The following ZFHX4 variants were observed in gnomAD, a reference collection of about 807,000 sequenced individuals.
ZFHX4 encodes zinc finger homeobox protein 4.
In ZFHX4, 56 loss-of-function variants were observed where a neutral mutation model predicts 267.6. The ratio of observed to expected loss-of-function variants is 0.21; its 90% CI spans 0.17 to 0.26. The LOEUF (loss-of-function observed/expected upper bound fraction) is 0.26. Ranked by LOEUF, ZFHX4 falls within the 10% of genes least tolerant of loss-of-function variation. The pLI, the probability that ZFHX4 is intolerant of heterozygous loss-of-function variation, is 1.00. For missense variants in ZFHX4, 4,332 were observed against 4,420.0 expected, an observed-to-expected ratio of 0.98 and a Z score of 0.56; for synonymous variants, 1,778 against 1,665.6, an observed-to-expected ratio of 1.07 and a Z score of -1.64.
At chr8:76,715,129 T>C (rs1299813701) in intron 3 of ZFHX4, among the ~76,000 whole-genome samples, 1 of 152,178 alleles carries the variant, frequency 6.6e-6, no homozygotes. Flanking sequence ...TTAGGACATA[T>C]ATGTAGTTTT....
In ZFHX4 at chr8:76,797,337, T is replaced by G. The variant is rs141162949; in HGVS notation, c.3325+18898T>G. ...GTTTTTAGAAAAGCGCTGATAAACC[T>G]AAAAAGAGATTTCATATGTATAACC... On this transcript the variant is annotated intron_variant, in intron 4 of 10. Transcript: ENST00000651372. 9.8e-3 allele frequency among the ~76,000 whole-genome samples: 1,495 copies of G among 152,310 alleles called. 14 individuals are homozygous for G. The highest frequency in any genetic ancestry group is 0.027 in the Middle Eastern group (8 of 294).
At position 76,849,132 on chromosome 8, in the gene ZFHX4, A is replaced by T. The variant is rs932992711; in HGVS notation, c.3645+4A>T. 9.1e-6 allele frequency: 14 copies of T among 1,545,048 alleles called. No individual in the cohort carries two copies. Among genetic ancestry groups the T allele is most frequent in the Non-Finnish European group, 1.2e-5 (14 of 1,145,834 alleles). On this transcript the variant is annotated splice_donor_region_variant and intron_variant, in intron 7 of 10. Transcript: ENST00000651372. ...CAATAAATTCTGTCATGAACAGGTA[A>T]ATACTTTTTTTCCCCTTTACTGTGT...
Position 76,706,257 on chromosome 8 carries a change from C to T in ZFHX4, c.2169C>T (p.His723=), listed in dbSNP as rs771603002. ...GTATTCATATGCAGTCGGACAAGCA[C>T]CTGAACAATGTTCAGAATCTCCAAA... is the stretch of plus-strand genomic sequence containing the variant. The part of the protein sequence containing the change: ...NLSIHMQSDK[H]LNNVQNLQNG... The change falls in exon 2 of 11, where the codon CAC becomes CAT. Residue 723 remains histidine, a synonymous_variant. Transcript: ENST00000651372. The T allele has an allele frequency of 1.2e-6, 2 of 1,614,080 alleles. No individual in the cohort carries two copies. Among genetic ancestry groups the T allele is most frequent in the Admixed American group, 1.7e-5 (1 of 60,020 alleles).
intron 4 of ZFHX4, among the ~76,000 whole-genome samples, chr8:76,798,307 C>T (rs887643106): frequency 3.3e-5 from 5 of 152,034 alleles, no homozygotes; most frequent in Non-Finnish European, 5.9e-5. Context: ...TTATGCAAGG[C>T]GAGCATTCAG....
At chr8:76,773,076 G>T (rs1810310037) in intron 3 of ZFHX4, among the ~76,000 whole-genome samples, 1 of 152,104 alleles carries the variant, frequency 6.6e-6, no homozygotes, top group South Asian at 2.1e-4. Flanking sequence ...GCGTCATCTG[G>T]ATCTTCAATG....
intron 3 of ZFHX4, among the ~76,000 whole-genome samples, chr8:76,712,507 C>T (rs760591414): frequency 7.3e-5 from 11 of 150,812 alleles, no homozygotes; most frequent in South Asian, 2.1e-4. Flanking sequence ...ATCAAATATA[C>T]GAGATATGTA....
At chr8:76,776,579 C>G (rs1231365375) in intron 3 of ZFHX4, among the ~76,000 whole-genome samples, 4 of 152,174 alleles carry the variant, frequency 2.6e-5, no homozygotes, top group Non-Finnish European at 5.9e-5. Context: ...CCTTCAGGTA[C>G]TCAAGATTCT....
chr8:76,814,457 G>A (rs1270564375), intron 4 of ZFHX4, among the ~76,000 whole-genome samples: 2 of 152,014 alleles, frequency 1.3e-5, no homozygotes, highest in South Asian at 2.1e-4. Context: ...CATGGACCCA[G>A]GAATTCCATG....
At chr8:76,720,222 A>G (rs902602554) in intron 3 of ZFHX4, among the ~76,000 whole-genome samples, 4 of 151,940 alleles carry the variant, frequency 2.6e-5, no homozygotes, top group Non-Finnish European at 4.4e-5. Context: ...TTTTGTCTCT[A>G]TAGATTTGCC....
At chr8:76,802,787 T>C (rs1811147017) in intron 4 of ZFHX4, among the ~76,000 whole-genome samples, 1 of 152,186 alleles carries the variant, frequency 6.6e-6, no homozygotes, top group Non-Finnish European at 1.5e-5. Flanking sequence ...TTTTACACCA[T>C]AGGGACAGCC....
rs760743565 is a variant in ZFHX4 at position 76,854,833 on chromosome 8, A to G, written c.7912A>G (p.Ile2638Val). The stretch of plus-strand genomic sequence containing the variant: ...TCCTACCAGAAAAATGCTTGATCAT[A>G]TTGCCCGCGAAGTCGGGCTGAAAAA... ...SNPTRKMLDHIAREVGLKKRV... is the reference protein window; with the variant it reads ...SNPTRKMLDHVAREVGLKKRV... Residue 2638 changes from isoleucine to valine, a missense_variant, in exon 10 of 11, where the codon ATT (isoleucine) becomes GTT (valine). This residue lies in a region of ZFHX4 where 1,648 missense variants were observed against 1,625.0 expected (regional missense o/e 1.01). Transcript: ENST00000651372. 1.2e-6 allele frequency: 2 copies of G among 1,610,894 alleles called. No individual in the cohort carries two copies. Among genetic ancestry groups the G allele is most frequent in the Admixed American group, 3.4e-5 (2 of 59,338 alleles).
intron 3 of ZFHX4, among the ~76,000 whole-genome samples, chr8:76,738,024 T>C (rs1809211219): frequency 6.6e-6 from 1 of 152,224 alleles, no homozygotes; most frequent in Non-Finnish European, 1.5e-5. Flanking sequence ...ATTTTTATTT[T>C]TTAGAATTTA....
At chr8:76,696,456 A>T (rs1807958745) in intron 1 of ZFHX4, among the ~76,000 whole-genome samples, 1 of 152,104 alleles carries the variant, frequency 6.6e-6, no homozygotes, top group Non-Finnish European at 1.5e-5. Context: ...GATTTTAATT[A>T]GTCTGACATC....
intron 4 of ZFHX4, among the ~76,000 whole-genome samples, chr8:76,786,383 G>A (rs768626124): frequency 5.3e-5 from 8 of 150,176 alleles, no homozygotes; most frequent in Non-Finnish European, 8.9e-5. Flanking sequence ...TATCTAGTAT[G>A]AAGTTAGACA....
At chr8:76,722,823 C>T (rs1563484706) in intron 3 of ZFHX4, among the ~76,000 whole-genome samples, 1 of 151,946 alleles carries the variant, frequency 6.6e-6, no homozygotes, top group Non-Finnish European at 1.5e-5. Flanking sequence ...TTGGAGATAA[C>T]TTCTGCTTTT....
At position 76,706,277 on chromosome 8, in the gene ZFHX4, T is replaced by C. The variant is rs868396606; in HGVS notation, c.2189T>C (p.Leu730Pro). The change falls in exon 2 of 11, where the codon CTC (leucine) becomes CCC (proline). Residue 730 changes from leucine (L) to proline (P), a missense_variant. By Grantham distance (98) the Leu-to-Pro change is moderately conservative. This residue lies in a region of ZFHX4 where 1,195 missense variants were observed against 1,173.6 expected (regional missense o/e 1.02). Transcript: ENST00000651372. ...AAGCACCTGAACAATGTTCAGAATCTCCAAAATGGCAATGGTGAGCAGGTG... is the reference window on the plus strand; with the variant it reads ...AAGCACCTGAACAATGTTCAGAATCCCCAAAATGGCAATGGTGAGCAGGTG... Reference protein sequence around the residue: ...SDKHLNNVQNLQNGNGEQVFG... With the variant: ...SDKHLNNVQNPQNGNGEQVFG... 6.2e-7 allele frequency: 1 copy of C among 1,614,010 alleles called. No homozygotes were observed. The highest frequency in any genetic ancestry group is 8.5e-7 in the Non-Finnish European group (1 of 1,179,958).
chr8:76,734,165 T>C (rs1809096553), intron 3 of ZFHX4, among the ~76,000 whole-genome samples: 1 of 152,182 alleles, frequency 6.6e-6, no homozygotes, highest in Non-Finnish European at 1.5e-5. Context: ...AACATATTTA[T>C]AAAACATACT....
intron 3 of ZFHX4, among the ~76,000 whole-genome samples, chr8:76,759,012 T>C (rs1388228499): frequency 6.6e-6 from 1 of 151,698 alleles, no homozygotes; most frequent in Non-Finnish European, 1.5e-5. Flanking sequence ...TTAAATATTT[T>C]CCACAAAATA....
At chr8:76,740,049 C>A (rs73356751) in intron 3 of ZFHX4, among the ~76,000 whole-genome samples, 2,258 of 152,086 alleles carry the variant, frequency 0.015, 68 homozygotes, top group African/African-American at 0.05. Flanking sequence ...TGATATTAGA[C>A]CATTTATATA....
Sources: gnomAD v4.1 joint callset for allele counts (sites outside exome capture counted in the v4.1 genomes callset) on GRCh38, gnomAD v4.1.1 for gene constraint, gnomAD v4.1.1 regional missense constraint, MANE v1.5 for transcripts, NCBI Gene and HGNC (gene_info 2026-07-23, HGNC 2026-07-21) for gene names.